Variants in ZFPM1 observed in about 807,000 individuals in gnomAD.
ZFPM1 encodes zinc finger protein ZFPM1.
ZFPM1 carries 28 observed loss-of-function variants against 46.3 expected under a neutral mutation model. That is an observed-to-expected ratio of 0.60 (90% CI 0.45 to 0.83). ZFPM1 has a LOEUF of 0.83. Ranked by LOEUF, ZFPM1 falls within the 40% of genes least tolerant of loss-of-function variation. The probability of loss-of-function intolerance (pLI) is 0.00; values close to 1 mark genes in which losing one functional copy is unlikely to be tolerated. For synonymous variants in ZFPM1, 957 were observed against 675.9 expected (o/e 1.42, Z -6.45); for missense variants, 1,878 against 1,432.4 (o/e 1.31, Z -5.02).
intron 1 of ZFPM1, among the ~76,000 whole-genome samples, chr16:88,484,676 G>T (rs559102592): frequency 6.6e-6 from 1 of 152,248 alleles, no homozygotes; most frequent in Non-Finnish European, 1.5e-5. Context: ...GTCGCAGCAC[G>T]CAGGCTGAGT....
In ZFPM1 at chr16:88,511,286, C is replaced by G. The variant is rs1247319631; in HGVS notation, c.269-3101C>G. Among the ~76,000 whole-genome samples the G allele has an allele frequency of 2.0e-5, 3 of 152,086 alleles. No individual in the cohort carries two copies. The East Asian group carries it at 5.8e-4, about 29-fold the overall frequency. On this transcript the variant is annotated intron_variant, in intron 3 of 9. Coordinates refer to ENST00000319555, the MANE Select transcript of ZFPM1 (RefSeq NM_153813.3). ...TGCCCCACAGGGTTTTGTGGCGGGA[C>G]AAGCACTGAGCTCACGGTGGGTTCT...
rs1270288439 is a variant in ZFPM1 at position 88,471,107 on chromosome 16, GC to G, written c.41-14830del. Among the ~76,000 whole-genome samples, 1 of 152,198 alleles carries G rather than the reference GC, an allele frequency of 6.6e-6. No homozygotes were observed. The highest frequency in any genetic ancestry group is 2.4e-5 in the African/African-American group (1 of 41,448). On this transcript the variant is annotated intron_variant, in intron 1 of 9. Transcript: ENST00000319555. This position sits in a 1 kb window ranked among gnomAD's most constrained non-coding sequence, Gnocchi z 4.1. Reference sequence around the variant, plus strand: ...GGCTGCCTTCTGAAGGAGCGAGGGGGCCGGGAGGAGGAAAGCCCAGCTCCCC... The same window carrying G: ...GGCTGCCTTCTGAAGGAGCGAGGGGGCGGGAGGAGGAAAGCCCAGCTCCCC...
chr16:88,489,080 C>T lies in ZFPM1; in HGVS notation c.195C>T (p.Pro65=). 6.2e-7 allele frequency: 1 copy of T among 1,613,180 alleles called. No individual in the cohort carries two copies. Among genetic ancestry groups the T allele is most frequent in the Non-Finnish European group, 8.5e-7 (1 of 1,179,812 alleles). ...PLPPPTSPGG[P]KELEGQEPEP... Reference sequence around the variant, plus strand: ...CGCCCCCCACATCCCCAGGAGGCCCCAAGGAGCTGGAAGGACAGGAACCAG... The same window carrying T: ...CGCCCCCCACATCCCCAGGAGGCCCTAAGGAGCTGGAAGGACAGGAACCAG... Residue 65 remains proline (P), a synonymous_variant, in exon 3 of 10, where the codon CCC becomes CCT. Transcript: ENST00000319555.
chr16:88,493,113 C>T (rs1244828522), intron 3 of ZFPM1, among the ~76,000 whole-genome samples: 4 of 99,962 alleles, frequency 4.0e-5, no homozygotes, highest in Admixed American at 2.2e-4. Context: ...GGAGCTGTCC[C>T]GGGGTGGGGG....
chr16:88,486,296 A>G (rs1006074932), intron 2 of ZFPM1, among the ~76,000 whole-genome samples: 4 of 152,190 alleles, frequency 2.6e-5, no homozygotes, highest in Admixed American at 2.6e-4. Flanking sequence ...AAATGAGCAG[A>G]CCAAGGCCCA....
At chr16:88,461,161 A>AGGCCTGGT (rs1179378931) in intron 1 of ZFPM1, among the ~76,000 whole-genome samples, 73 of 80,022 alleles carry the variant, frequency 9.1e-4, no homozygotes, top group Admixed American at 1.9e-3. Context: ...GAGGGGCGGG[A>AGGCCTGGT]GACCTGGTGA....
intron 6 of ZFPM1, among the ~76,000 whole-genome samples, chr16:88,529,356 C>T (rs1051116943): frequency 1.3e-5 from 2 of 152,180 alleles, no homozygotes; most frequent in African/African-American, 4.8e-5. Flanking sequence ...GGAAGAAAAG[C>T]GACCTTTGTG....
intron 3 of ZFPM1, among the ~76,000 whole-genome samples, chr16:88,498,183 C>G (rs1440057291): frequency 6.6e-6 from 1 of 151,348 alleles, no homozygotes; most frequent in Non-Finnish European, 1.5e-5. Context: ...AACACGGACC[C>G]ACCTGGGGGG....
At chr16:88,477,380 T>C (rs1011281212) in intron 1 of ZFPM1, among the ~76,000 whole-genome samples, 3 of 152,068 alleles carry the variant, frequency 2.0e-5, no homozygotes, top group Non-Finnish European at 4.4e-5. Flanking sequence ...TGTGTTTCTT[T>C]GCCTGAGACT....
intron 1 of ZFPM1, among the ~76,000 whole-genome samples, chr16:88,461,161 AGACCTGGTGAGGACCGAGG>A (rs1907850459): frequency 1.0e-4 from 8 of 80,024 alleles, no homozygotes; most frequent in African/African-American, 4.4e-4. Context: ...GAGGGGCGGG[AGACCTGGTGAGGACCGAGG>A]GGCGGGGCGG....
intron 3 of ZFPM1, among the ~76,000 whole-genome samples, chr16:88,492,780 T>G (rs1341154387): frequency 1.3e-5 from 2 of 152,016 alleles, no homozygotes; most frequent in Admixed American, 1.3e-4. Context: ...GGTCCCAGAC[T>G]CCCTGGAGGC....
intron 5 of ZFPM1, 38 bp from the exon 6 acceptor site, chr16:88,527,994 G>A (rs147893209): frequency 1.3e-5 from 19 of 1,495,952 alleles, no homozygotes; most frequent in Middle Eastern, 4.1e-4. Context: ...GGGAAGTGGG[G>A]CACAAAGTCC....
intron 6 of ZFPM1, among the ~76,000 whole-genome samples, chr16:88,529,111 T>C (rs1054927342): frequency 6.6e-6 from 1 of 152,214 alleles, no homozygotes; most frequent in African/African-American, 2.4e-5. Flanking sequence ...AGATCCCATA[T>C]CTGCCAAAAC....
intron 3 of ZFPM1, among the ~76,000 whole-genome samples, chr16:88,489,711 T>C (rs1567535787): frequency 6.6e-6 from 1 of 152,196 alleles, no homozygotes; most frequent in Non-Finnish European, 1.5e-5. Context: ...CTCTGCTCCG[T>C]GATTTGCAGC....
At chr16:88,465,040 G>T (rs1908070656) in intron 1 of ZFPM1, among the ~76,000 whole-genome samples, 1 of 152,012 alleles carries the variant, frequency 6.6e-6, no homozygotes, top group Non-Finnish European at 1.5e-5. Flanking sequence ...AAGGTAGGGA[G>T]GAGGGTGAGG....
rs1364825391 is a variant in ZFPM1 at position 88,528,086 on chromosome 16, G to A, written c.560G>A (p.Ser187Asn). The change falls in exon 6 of 10, where the codon AGC (serine) becomes AAC (asparagine). Residue 187 changes from serine to asparagine, a missense_variant. Physicochemically the swap from Ser to Asn is conservative, Grantham distance 46. Coordinates refer to ENST00000319555, the MANE Select transcript of ZFPM1 (RefSeq NM_153813.3). ...CCGGTGCCTGCGGGGGGACTCCTGA[G>A]CGTGCTCCTCACGGCCGAGCCCCAC... ...TKPVPAGGLL[S>N]VLLTAEPHST... 1.9e-6 allele frequency: 3 copies of A among 1,572,104 alleles called. No individual in the cohort carries two copies. The South Asian group carries it at 3.5e-5, about 18-fold the overall frequency.
intron 1 of ZFPM1, among the ~76,000 whole-genome samples, chr16:88,482,466 C>T (rs1033776409): frequency 9.9e-5 from 15 of 152,192 alleles, no homozygotes; most frequent in African/African-American, 2.9e-4. Context: ...TCTTTCTCCA[C>T]GCTCATCACC....
At chr16:88,456,684 G>A (rs574591054) in intron 1 of ZFPM1, among the ~76,000 whole-genome samples, 1 of 152,216 alleles carries the variant, frequency 6.6e-6, no homozygotes, top group Non-Finnish European at 1.5e-5. Context: ...GCTGAGAGGC[G>A]CCTGGGGCTG....
At chr16:88,485,891 C>T (rs1308575933) in intron 1 of ZFPM1, 48 bp from the exon 2 acceptor site, 2 of 1,583,026 alleles carry the variant, frequency 1.3e-6, no homozygotes, top group African/African-American at 1.4e-5. Flanking sequence ...GAGGCAGGAG[C>T]TGTCCCCCCA....
Sources: gnomAD v4.1 joint callset for allele counts (sites outside exome capture counted in the v4.1 genomes callset) on GRCh38, gnomAD v4.1.1 for gene constraint, Gnocchi (gnomAD v3.1) non-coding constraint, MANE v1.5 for transcripts, NCBI Gene and HGNC (gene_info 2026-07-23, HGNC 2026-07-21) for gene names.